UBR1: variants seen among roughly 807,000 people sequenced by gnomAD.
UBR1 encodes E3 ubiquitin-protein ligase UBR1.
Under a neutral mutation model 242.1 loss-of-function variants are expected in UBR1, and 102 were observed. The ratio of observed to expected loss-of-function variants is 0.42; its 90% CI spans 0.36 to 0.50. The LOEUF (loss-of-function observed/expected upper bound fraction) is 0.50, where lower values mean the gene tolerates loss of function less well. Among genes scored for constraint, UBR1 ranks in the 20% least tolerant of loss-of-function variants. The pLI is 0.01. For missense variants in UBR1, 1,772 were observed against 2,101.8 expected, an observed-to-expected ratio of 0.84 and a Z score of 3.07; for synonymous variants, 675 against 684.8, an observed-to-expected ratio of 0.99 and a Z score of 0.22.
At chr15:43,023,956 G>A (rs975451816) in intron 25 of UBR1, among the ~76,000 whole-genome samples, 1 of 152,160 alleles carries the variant, frequency 6.6e-6, no homozygotes, top group African/African-American at 2.4e-5. Flanking sequence ...ACACCTGAAT[G>A]TCTATTAATA....
Position 43,024,914 on chromosome 15 carries a change from T to A in UBR1, c.2654A>T (p.Asp885Val). 6.2e-7 allele frequency: 1 copy of A among 1,614,188 alleles called. No individual in the cohort carries two copies. Among genetic ancestry groups the A allele is most frequent in the South Asian group, 1.1e-5 (1 of 91,078 alleles). The change falls in exon 25 of 47, where the codon GAT becomes GTT. Residue 885 changes from aspartate (D) to valine (V), a missense_variant. Transcript: ENST00000290650. ...FSKVINLLNC[D>V]IMMYILRTVF... The stretch of plus-strand genomic sequence containing the variant: ...GGTCCTGAGAATGTACATCATGATA[T>A]CACAGTTGAGAAGGTTAATCACTTT...
chr15:43,059,673 G>A, intron 8 of UBR1, 29 bp downstream of exon 8: 1 of 1,610,072 alleles, frequency 6.2e-7, no homozygotes, highest in Non-Finnish European at 8.5e-7. Context: ...TATTTTATCA[G>A]AAACAAGAAA....
intron 29 of UBR1, among the ~76,000 whole-genome samples, chr15:43,012,124 G>A (rs1380375030): frequency 6.6e-6 from 1 of 152,052 alleles, no homozygotes; most frequent in African/African-American, 2.4e-5. Context: ...TTACTCGGGA[G>A]GCTGAGGCAG....
intron 5 of UBR1, among the ~76,000 whole-genome samples, chr15:43,069,279 G>A (rs1189209555): frequency 6.6e-6 from 1 of 151,304 alleles, no homozygotes; most frequent in Non-Finnish European, 1.5e-5. Context: ...TATGTGTTCA[G>A]TATTTTTTTT....
intron 30 of UBR1, among the ~76,000 whole-genome samples, chr15:43,005,511 TG>T (rs1395816515): frequency 3.4e-5 from 5 of 148,588 alleles, no homozygotes; most frequent in African/African-American, 1.0e-4. Flanking sequence ...GTCTGGGAGG[TG>T]GGGGGGCGCC....
intron 2 of UBR1, among the ~76,000 whole-genome samples, chr15:43,084,901 TCCTAA>T (rs2034016442): frequency 2.6e-5 from 4 of 152,234 alleles, no homozygotes; most frequent in Admixed American, 2.0e-4. Context: ...AACTTTACAC[TCCTAA>T]CCTAAACTAG....
chr15:42,949,907 C>T (rs907881398), intron 46 of UBR1, among the ~76,000 whole-genome samples: 49 of 149,478 alleles, frequency 3.3e-4, no homozygotes, highest in African/African-American at 9.3e-4. Flanking sequence ...GTGCAGTGGG[C>T]GATCTTGGCT....
intron 37 of UBR1, among the ~76,000 whole-genome samples, chr15:42,981,705 T>C (rs190150051): frequency 6.6e-6 from 1 of 152,198 alleles, no homozygotes; most frequent in South Asian, 2.1e-4. Flanking sequence ...TTAGCCAGGA[T>C]GGTCTCGACC....
chr15:43,075,956 G>GCCCTCTCCCTCTCCCTCTCCCTCT (rs200961790), intron 3 of UBR1, among the ~76,000 whole-genome samples: 36 of 105,294 alleles, frequency 3.4e-4, no homozygotes, highest in African/African-American at 9.5e-4. Flanking sequence ...AAAAACTCAT[G>GCCCTCTCCCTCTCCCTCTCCCTCT]CCCTCTCCCT....
intron 39 of UBR1, among the ~76,000 whole-genome samples, chr15:42,972,472 G>A (rs1425914547): frequency 1.3e-5 from 2 of 151,932 alleles, no homozygotes; most frequent in African/African-American, 4.8e-5. Flanking sequence ...GGGTTCCAGC[G>A]ATTCTCCTGC....
rs2032512138 is a variant in UBR1, at chr15:42,988,719, C to A, written c.3997+100G>T. The A allele has an allele frequency of 1.1e-5, 17 of 1,504,734 alleles. No homozygotes were observed. In the South Asian group the frequency reaches 1.8e-4, roughly 16 times the overall value. The allele number at this position is 1,504,734 out of a possible 1,614,324, so 93.2% of individuals were successfully genotyped here. A position where few individuals can be genotyped will look rare whatever the true frequency, so the allele number is the denominator to read the frequency against. On this transcript the variant is annotated intron_variant, in intron 35 of 46. Coordinates refer to ENST00000290650, the MANE Select transcript of UBR1 (RefSeq NM_174916.3). ...AAATACTAATAGTCCTCATACAAGT[C>A]AAATTATTCTGGGCCATCAGTGAAA...
rs770559269 is a variant in UBR1 at position 43,043,400 on chromosome 15, G to C, written c.1669-5C>G. The C allele has an allele frequency of 8.7e-6, 14 of 1,613,822 alleles. No homozygotes were observed. The South Asian group carries it at 1.5e-4, about 18-fold the overall frequency. On this transcript the variant is annotated splice_polypyrimidine_tract_variant and splice_region_variant and intron_variant, in intron 14 of 46. Transcript: ENST00000290650. ...AGCCACAAGTAAGAGTTCTTCCTAA[G>C]AGGAAAATAAGATACAAAAAGTTGA...
chr15:42,964,072 A>G lies in UBR1; in HGVS notation c.4592-29T>C, dbSNP rs371260466. ...CAAGAGAATAAAAATACATTTAATA[A>G]GCACATTATTCTTACCTGGTCAATC... On this transcript the variant is annotated intron_variant, in intron 41 of 46. Coordinates refer to ENST00000290650, the MANE Select transcript of UBR1 (RefSeq NM_174916.3). The G allele has an allele frequency of 1.3e-4, 190 of 1,455,860 alleles. No individual in the cohort carries two copies. In the African/African-American group the frequency reaches 2.3e-3, roughly 17 times the overall value. The allele number at this position is 1,455,860 out of a possible 1,614,324, so 90.2% of individuals were successfully genotyped here. A position where few individuals can be genotyped will look rare whatever the true frequency, so the allele number is the denominator to read the frequency against.
intron 14 of UBR1, among the ~76,000 whole-genome samples, chr15:43,043,662 G>A (rs767462930): frequency 6.6e-6 from 1 of 152,052 alleles, no homozygotes; most frequent in African/African-American, 2.4e-5. Flanking sequence ...GGCCAAGCTG[G>A]TTTTGAACTC....
chr15:43,002,152 T>C (rs538855234), intron 32 of UBR1, among the ~76,000 whole-genome samples: 1 of 152,286 alleles, frequency 6.6e-6, no homozygotes, highest in African/African-American at 2.4e-5. Flanking sequence ...AAGTATTAAT[T>C]CCTTTAAAGA....
chr15:43,079,422 A>C lies in UBR1; in HGVS notation c.417+3216T>G, dbSNP rs2033947345. ...ATCTGTACACTAAAAGGGCCCATGA[A>C]TTCTTGAGTGACTAATCAACTCCAA... On this transcript the variant is annotated intron_variant, in intron 3 of 46. Coordinates refer to ENST00000290650, the MANE Select transcript of UBR1 (RefSeq NM_174916.3). Among the ~76,000 whole-genome samples, 3 of 152,236 alleles carry C rather than the reference A, an allele frequency of 2.0e-5. No homozygotes were observed. In the South Asian group the frequency reaches 6.2e-4, roughly 31 times the overall value.
At chr15:43,034,375 G>C (rs2033302460) in intron 19 of UBR1, among the ~76,000 whole-genome samples, 1 of 151,932 alleles carries the variant, frequency 6.6e-6, no homozygotes, top group Admixed American at 6.6e-5. Context: ...GGGAGAAGAA[G>C]GTTGCTTTGA....
Position 43,056,389 on chromosome 15 carries a change from G to T in UBR1, c.1236C>A (p.Ile412=). The stretch of plus-strand genomic sequence containing the variant: ...TCTGAACTGAAAGTGCAGTTATAGA[G>T]ATACTTCTGTCATGATCATCACTGA... ...EYISDDHDRS[I]SITALSVQMF... is the part of the protein sequence containing the mutation. Residue 412 remains isoleucine, a synonymous_variant, in exon 11 of 47, where the codon ATC becomes ATA. Coordinates refer to ENST00000290650, the MANE Select transcript of UBR1 (RefSeq NM_174916.3). 6.2e-7 allele frequency: 1 copy of T among 1,612,674 alleles called. No individual in the cohort carries two copies. Among genetic ancestry groups the T allele is most frequent in the East Asian group, 2.2e-5 (1 of 44,796 alleles).
chr15:42,970,479 G>A (rs763671943), intron 40 of UBR1, 41 bp downstream of exon 40: 8 of 1,572,742 alleles, frequency 5.1e-6, no homozygotes, highest in Non-Finnish European at 7.0e-6. Flanking sequence ...AACAAGAAAT[G>A]GAATTATTAC....
Sources: allele counts gnomAD v4.1 joint callset (sites outside exome capture counted in the v4.1 genomes callset), GRCh38; gene constraint gnomAD v4.1.1; transcripts MANE v1.5; gene names NCBI Gene and HGNC (gene_info 2026-07-23, HGNC 2026-07-21).